COL25A1: variants seen among roughly 807,000 people sequenced by gnomAD.
COL25A1 encodes collagen alpha-1(XXV) chain.
Under a neutral mutation model 128.4 loss-of-function variants are expected in COL25A1, and 103 were observed. That is an observed-to-expected ratio of 0.80 (90% CI 0.68 to 0.94). The LOEUF (loss-of-function observed/expected upper bound fraction) is 0.94. COL25A1 is among the 40% of genes least tolerant of loss of function. The pLI, the probability that COL25A1 is intolerant of heterozygous loss-of-function variation, is 0.00. For synonymous variants in COL25A1, 279 were observed against 277.2 expected, an observed-to-expected ratio of 1.01 and a Z score of -0.06; for missense variants, 745 against 840.0, an observed-to-expected ratio of 0.89 and a Z score of 1.40.
At chr4:109,088,134 A>AT (rs1405294376) in intron 3 of COL25A1, among the ~76,000 whole-genome samples, 1 of 151,880 alleles carries the variant, frequency 6.6e-6, no homozygotes, top group East Asian at 1.9e-4. Context: ...TGCTGCTCTT[A>AT]TTGACAGATG....
At chr4:109,211,274 CTATATATATATGAAACTATATATATATA>C (rs1372351577) in intron 3 of COL25A1, among the ~76,000 whole-genome samples, 6 of 15,970 alleles carry the variant, frequency 3.8e-4, no homozygotes, top group Non-Finnish European at 5.5e-4. Context: ...ATATATGAAA[CTATATATATATGAAACTATATATATATA>C]TATATATATA....
intron 8 of COL25A1, among the ~76,000 whole-genome samples, chr4:108,953,742 T>C (rs534525942): frequency 6.6e-6 from 1 of 152,296 alleles, no homozygotes; most frequent in Non-Finnish European, 1.5e-5. Flanking sequence ...TTGATGTTTG[T>C]TAACAATTCA....
intron 3 of COL25A1, among the ~76,000 whole-genome samples, chr4:109,099,445 T>C (rs1765689619): frequency 6.6e-6 from 1 of 152,038 alleles, no homozygotes; most frequent in South Asian, 2.1e-4. Flanking sequence ...TTACCAAAGG[T>C]TCTGTTTAAC....
intron 13 of COL25A1, among the ~76,000 whole-genome samples, chr4:108,907,923 C>T (rs539880064): frequency 2.0e-5 from 3 of 152,170 alleles, no homozygotes; most frequent in South Asian, 2.1e-4. Context: ...TTTGCTTATG[C>T]TTCCATGGGG....
At chr4:108,861,084 G>GA in intron 22 of COL25A1, 113 bp from the exon 23 acceptor site, 2 of 833,840 alleles carry the variant, frequency 2.4e-6, no homozygotes. Context: ...CTTCTGAAGT[G>GA]AAAAACAACA....
chr4:109,256,085 G>GGTGTGTGTGTGTGTGTGTGTGTGTGTGT (rs60794002), intron 3 of COL25A1, among the ~76,000 whole-genome samples: 102 of 143,340 alleles, frequency 7.1e-4, no homozygotes, highest in African/African-American at 2.4e-3. Context: ...TTTAAGCATT[G>GGTGTGTGTGTGTGTGTGTGTGTGTGTGT]GTGTGTGTGT....
At chr4:108,814,359 G>A (rs1455565318) in intron 37 of COL25A1, among the ~76,000 whole-genome samples, 1 of 152,156 alleles carries the variant, frequency 6.6e-6, no homozygotes, top group African/African-American at 2.4e-5. Flanking sequence ...GATTGACCTC[G>A]ATAATGTTGT....
At chr4:108,972,757 G>A (rs866308073) in intron 8 of COL25A1, among the ~76,000 whole-genome samples, 1 of 152,150 alleles carries the variant, frequency 6.6e-6, no homozygotes, top group Admixed American at 6.5e-5. Flanking sequence ...AAAACTGGCT[G>A]AAATCTGCAT....
intron 20 of COL25A1, 144 bp from the exon 21 acceptor site, chr4:108,863,531 A>G: frequency 1.6e-6 from 1 of 606,218 alleles, no homozygotes; most frequent in Non-Finnish European, 2.8e-6. Context: ...TTAATCTCTT[A>G]ACATGAATTA....
intron 13 of COL25A1, among the ~76,000 whole-genome samples, chr4:108,910,663 G>C (rs1388176144): frequency 6.6e-6 from 1 of 152,110 alleles, no homozygotes. Context: ...GCTCTACTCT[G>C]TCACTAACAC....
At chr4:109,086,819 G>A (rs1231480929) in intron 3 of COL25A1, among the ~76,000 whole-genome samples, 4 of 152,150 alleles carry the variant, frequency 2.6e-5, no homozygotes, top group African/African-American at 7.2e-5. Flanking sequence ...GCAATGCAGC[G>A]GGCTCCCCTT....
At chr4:108,863,469 A>C in intron 20 of COL25A1, 82 bp from the exon 21 acceptor site, 2 of 1,096,632 alleles carry the variant, frequency 1.8e-6, no homozygotes, top group Non-Finnish European at 2.6e-6. Flanking sequence ...AGTTGAAGGA[A>C]ACCAAAGAAA....
intron 5 of COL25A1, among the ~76,000 whole-genome samples, chr4:109,044,844 C>T (rs550618503): frequency 1.3e-5 from 2 of 152,140 alleles, no homozygotes; most frequent in Non-Finnish European, 2.9e-5. Flanking sequence ...TAGGACAATA[C>T]ATTTCTCTAA....
chr4:108,863,208 A>G lies in COL25A1; in HGVS notation c.1152+111T>C, dbSNP rs1267650127. ...CAGTTGGTGTGCATTTCAACAAACT[A>G]TTTGTGATTTGGGCTGTTTTAATAC... is the stretch of plus-strand genomic sequence containing the variant. On this transcript the variant is annotated intron_variant, in intron 21 of 37. Transcript: ENST00000399132. The G allele has an allele frequency of 4.1e-6, 4 of 969,742 alleles. No individual in the cohort carries two copies. The African/African-American group carries it at 4.9e-5, about 12-fold the overall frequency. 60.1% of individuals were successfully genotyped at this position (969,742 alleles called of 1,614,324 possible).
intron 3 of COL25A1, among the ~76,000 whole-genome samples, chr4:109,245,776 G>C (rs1184850213): frequency 6.6e-6 from 1 of 152,052 alleles, no homozygotes; most frequent in African/African-American, 2.4e-5. Flanking sequence ...ACAGGAATAG[G>C]ACAGAGCTTC....
At chr4:109,290,841 G>A (rs1724401465) in intron 3 of COL25A1, among the ~76,000 whole-genome samples, 1 of 152,082 alleles carries the variant, frequency 6.6e-6, no homozygotes, top group Admixed American at 6.6e-5. Flanking sequence ...GCCATCCTGG[G>A]CCACATGCAG....
At chr4:109,102,025 A>G (rs1331860410) in intron 3 of COL25A1, among the ~76,000 whole-genome samples, 1 of 152,202 alleles carries the variant, frequency 6.6e-6, no homozygotes, top group African/African-American at 2.4e-5. Flanking sequence ...CTCCCTTAGG[A>G]TATAAATTCT....
At chr4:109,177,840 T>G (rs971908849) in intron 3 of COL25A1, among the ~76,000 whole-genome samples, 1 of 152,346 alleles carries the variant, frequency 6.6e-6, no homozygotes, top group East Asian at 1.9e-4. Context: ...GGTGCCTCTA[T>G]AGCAAACATC....
chr4:108,816,980 A>C (rs893822431), intron 37 of COL25A1, among the ~76,000 whole-genome samples: 1 of 152,184 alleles, frequency 6.6e-6, no homozygotes, highest in Non-Finnish European at 1.5e-5. Context: ...AATGATGCTT[A>C]TATTTTTCTG....
Sources: gnomAD v4.1 joint callset for allele counts (sites outside exome capture counted in the v4.1 genomes callset) on GRCh38, gnomAD v4.1.1 for gene constraint, MANE v1.5 for transcripts, NCBI Gene and HGNC (gene_info 2026-07-23, HGNC 2026-07-21) for gene names.